The following TMEM267 variants were observed in gnomAD, a reference collection of about 807,000 sequenced individuals.
The protein encoded by TMEM267 is transmembrane protein 267.
A neutral mutation model predicts 19.3 loss-of-function variants in TMEM267; 20 were observed. That is an observed-to-expected ratio of 1.04 (90% CI 0.73 to 1.51). TMEM267 has a LOEUF of 1.51. Among genes scored for constraint, TMEM267 ranks in the 40% most tolerant of loss-of-function variants. The pLI, the probability that TMEM267 is intolerant of heterozygous loss-of-function variation, is 0.00. For synonymous variants in TMEM267, 88 were observed against 90.3 expected (o/e 0.97, Z 0.15); for missense variants, 242 against 261.9 (o/e 0.92, Z 0.52).
In TMEM267 at chr5:43,446,266, T is replaced by C. The variant is rs1742230288; in HGVS notation, c.604A>G (p.Arg202Gly). ...CCATGTTTTGAAGACATCATTTGTCTGGTTCCTGTTAAATACATAACGAAT... is the reference window on the plus strand; with the variant it reads ...CCATGTTTTGAAGACATCATTTGTCCGGTTCCTGTTAAATACATAACGAAT... ...CSFVMYLTGT[R>G]QMMSSKHGVR... Residue 202 changes from arginine to glycine, a missense_variant, in exon 3 of 3, where the codon AGA becomes GGA. By Grantham distance (125) the Arg-to-Gly change is moderately radical. Coordinates refer to ENST00000397080, the MANE Select transcript of TMEM267 (RefSeq NM_022483.5). The C allele has an allele frequency of 3.1e-6, 5 of 1,613,898 alleles. No homozygotes were observed. The East Asian group carries it at 6.7e-5, about 22-fold the overall frequency.
intron 1 of TMEM267, among the ~76,000 whole-genome samples, chr5:43,465,950 A>G (rs1274249846): frequency 1.4e-5 from 2 of 138,508 alleles, no homozygotes; most frequent in East Asian, 3.9e-4. Flanking sequence ...AACTTAAAGT[A>G]TAATAATAAT....
intron 1 of TMEM267, among the ~76,000 whole-genome samples, chr5:43,460,440 T>C (rs539141127): frequency 2.7e-5 from 4 of 150,926 alleles, no homozygotes; most frequent in Admixed American, 2.6e-4. Flanking sequence ...AAACACAAGT[T>C]AACAACTATC....
At chr5:43,457,050 A>G (rs990497060) in intron 1 of TMEM267, among the ~76,000 whole-genome samples, 1 of 152,262 alleles carries the variant, frequency 6.6e-6, no homozygotes, top group African/African-American at 2.4e-5. Flanking sequence ...TGTGATACAC[A>G]TAAAAACATG....
chr5:43,468,394 C>T (rs993987786), intron 1 of TMEM267, among the ~76,000 whole-genome samples: 2 of 152,002 alleles, frequency 1.3e-5, no homozygotes, highest in African/African-American at 4.8e-5. Flanking sequence ...GAAGGGGCTG[C>T]CAGTGAAAGA....
intron 1 of TMEM267, among the ~76,000 whole-genome samples, chr5:43,480,630 A>T (rs530388934): frequency 4.6e-5 from 7 of 151,350 alleles, no homozygotes; most frequent in African/African-American, 1.7e-4. Flanking sequence ...ACCCAATTAC[A>T]AATTTATTTT....
intron 1 of TMEM267, among the ~76,000 whole-genome samples, chr5:43,467,818 A>C (rs1037053976): frequency 7.9e-5 from 12 of 152,080 alleles, no homozygotes; most frequent in African/African-American, 2.7e-4. Context: ...ACATATTCTG[A>C]TTGCCTTCTT....
chr5:43,484,344 T>TG (rs376107895), upstream of TMEM267: 53 of 152,328 alleles, frequency 3.5e-4, 1 homozygote, highest in African/African-American at 1.3e-3. Flanking sequence ...GCCCTCAGGG[T>TG]GGGCAACGGA....
chr5:43,476,888 A>G (rs1470267435), intron 1 of TMEM267, among the ~76,000 whole-genome samples: 1 of 151,856 alleles, frequency 6.6e-6, no homozygotes, highest in African/African-American at 2.4e-5. Context: ...AAGTAAAAAA[A>G]AAAAAATATT....
At chr5:43,483,942 A>G (rs1744973152), upstream of TMEM267, 1 of 152,096 alleles carries the variant, frequency 6.6e-6, no homozygotes, top group African/African-American at 2.4e-5. Flanking sequence ...GGCCGAGAGG[A>G]CGCCGGGATA....
At chr5:43,464,801 T>C (rs1211412173) in intron 1 of TMEM267, among the ~76,000 whole-genome samples, 1 of 152,076 alleles carries the variant, frequency 6.6e-6, no homozygotes, top group Non-Finnish European at 1.5e-5. Flanking sequence ...ATAGAAAAAT[T>C]AATTCAAGAT....
At position 43,445,560 on chromosome 5, in the gene TMEM267, A is replaced by C. The variant is rs1200425006; in HGVS notation, c.*662T>G. ...CTACTGTAGCCAACATGTTTTAATA[A>C]TTATTTCCTAAATTAATTTCTGAAA... On this transcript the variant is annotated 3_prime_UTR_variant, in exon 3 of 3. Transcript: ENST00000397080. The C allele has an allele frequency of 1.3e-5, 2 of 152,178 alleles. No individual in the cohort carries two copies. Among genetic ancestry groups the C allele is most frequent in the African/African-American group, 2.4e-5 (1 of 41,466 alleles). 9.4% of individuals were successfully genotyped at this position (152,178 alleles called of 1,614,324 possible).
At chr5:43,465,795 G>T (rs573036308) in intron 1 of TMEM267, among the ~76,000 whole-genome samples, 16 of 152,134 alleles carry the variant, frequency 1.1e-4, no homozygotes, top group African/African-American at 3.9e-4. Flanking sequence ...CACACACTGG[G>T]TCCTGTTGTG....
chr5:43,446,307 A>G lies in TMEM267; in HGVS notation c.563T>C (p.Leu188Ser). Residue 188 changes from leucine (L) to serine (S), a missense_variant, in exon 3 of 3, where the codon TTA becomes TCA. Physicochemically the swap from Leu to Ser is moderately radical, Grantham distance 145. Coordinates refer to ENST00000397080, the MANE Select transcript of TMEM267 (RefSeq NM_022483.5). ...FWLYVIITSS[L>S]PHICSFVMYL... Reference sequence around the variant, plus strand: ...CATAACGAATGAACAGATGTGAGGTAAAGATGATGTGATTATTACATAAAG... The same window carrying G: ...CATAACGAATGAACAGATGTGAGGTGAAGATGATGTGATTATTACATAAAG... 1 of 1,613,846 alleles carries G rather than the reference A, an allele frequency of 6.2e-7. No individual in the cohort carries two copies. The highest frequency in any genetic ancestry group is 8.5e-7 in the Non-Finnish European group (1 of 1,179,682).
intron 1 of TMEM267, among the ~76,000 whole-genome samples, chr5:43,470,335 G>T (rs1251544155): frequency 2.0e-5 from 3 of 152,114 alleles, no homozygotes; most frequent in Admixed American, 2.0e-4. Context: ...TAGAGATGAG[G>T]TTTCACCATG....
intron 1 of TMEM267, among the ~76,000 whole-genome samples, chr5:43,474,774 A>G (rs967932624): frequency 5.9e-5 from 9 of 151,966 alleles, no homozygotes; most frequent in African/African-American, 1.7e-4. Context: ...AAAAAAAAAA[A>G]AAAAATGAAA....
At chr5:43,483,182 T>C (rs76677587) in intron 1 of TMEM267, among the ~76,000 whole-genome samples, 2,221 of 152,324 alleles carry the variant, frequency 0.015, 47 homozygotes, top group African/African-American at 0.046. Context: ...CTTGCTTACT[T>C]TCACTGAAAC....
chr5:43,453,529 A>G, intron 2 of TMEM267, 129 bp downstream of exon 2: 1 of 820,176 alleles, frequency 1.2e-6, no homozygotes, highest in Non-Finnish European at 1.9e-6. Context: ...CTAAGTGGTC[A>G]AAAAGGTTAC....
intron 1 of TMEM267, among the ~76,000 whole-genome samples, chr5:43,467,891 G>A (rs1743834620): frequency 6.6e-6 from 1 of 152,170 alleles, no homozygotes; most frequent in South Asian, 2.1e-4. Context: ...CCTGTGACCT[G>A]GAAGCCCTCA....
At chr5:43,453,456 T>C (rs1020589425) in intron 2 of TMEM267, among the ~76,000 whole-genome samples, 17 of 152,240 alleles carry the variant, frequency 1.1e-4, no homozygotes, top group Non-Finnish European at 1.3e-4. Flanking sequence ...TGTGAATCCA[T>C]AGCAGTTTGT....
Sources: gnomAD v4.1 joint callset for allele counts (sites outside exome capture counted in the v4.1 genomes callset) on GRCh38, gnomAD v4.1.1 for gene constraint, MANE v1.5 for transcripts, NCBI Gene and HGNC (gene_info 2026-07-23, HGNC 2026-07-21) for gene names.